Variants in CC2D2B observed in about 807,000 individuals in gnomAD.
CC2D2B encodes the protein coiled-coil and C2 domain containing 2B, also known as protein CC2D2B.
CC2D2B carries 128 observed loss-of-function variants against 161.2 expected under a neutral mutation model. The ratio of observed to expected loss-of-function variants is 0.79; its 90% CI spans 0.69 to 0.92. The LOEUF (loss-of-function observed/expected upper bound fraction) is 0.92. Among genes scored for constraint, CC2D2B ranks in the 40% least tolerant of loss-of-function variants. CC2D2B has a pLI of 0.00. For synonymous variants in CC2D2B, 391 were observed against 449.8 expected, an observed-to-expected ratio of 0.87 and a Z score of 1.65; for missense variants, 1,173 against 1,375.1, an observed-to-expected ratio of 0.85 and a Z score of 2.32.
At chr10:95,918,559 C>T (rs2098520899) in intron 2 of CC2D2B, among the ~76,000 whole-genome samples, 3 of 152,168 alleles carry the variant, frequency 2.0e-5, no homozygotes, top group Middle Eastern at 3.4e-3. Context: ...TATCTTTGAC[C>T]TTTGGGAGTT....
At chr10:95,913,852 T>A (rs1331707408) in intron 2 of CC2D2B, among the ~76,000 whole-genome samples, 1 of 152,208 alleles carries the variant, frequency 6.6e-6, no homozygotes, top group Non-Finnish European at 1.5e-5. Context: ...GCTCCTTGTA[T>A]ATTTTGGTTA....
At chr10:95,996,300 T>C in intron 24 of CC2D2B, 48 bp downstream of exon 24, 1 of 829,868 alleles carries the variant, frequency 1.2e-6, no homozygotes, top group Non-Finnish European at 1.9e-6. Flanking sequence ...AGAGCAATAA[T>C]AAAATTATTT....
intron 30 of CC2D2B, among the ~76,000 whole-genome samples, chr10:96,016,675 C>G (rs2141890798): frequency 6.6e-6 from 1 of 152,190 alleles, no homozygotes; most frequent in Admixed American, 6.6e-5. Context: ...GTAGTTGTGG[C>G]AGCTGTTATC....
chr10:95,950,244 T>C, intron 10 of CC2D2B, 139 bp downstream of exon 10: 1 of 395,272 alleles, frequency 2.5e-6, no homozygotes, highest in Non-Finnish European at 4.5e-6. Flanking sequence ...GAAAAGAAAC[T>C]GTAGGAATTG....
intron 34 of CC2D2B, among the ~76,000 whole-genome samples, chr10:96,029,356 A>G (rs1356837671): frequency 6.8e-6 from 1 of 147,660 alleles, no homozygotes. Flanking sequence ...ATTTTTAAAA[A>G]TGCATTTACT....
chr10:96,025,688 G>A (rs1477959084), intron 33 of CC2D2B, among the ~76,000 whole-genome samples: 4 of 152,168 alleles, frequency 2.6e-5, no homozygotes, highest in African/African-American at 9.7e-5. Context: ...GCACCTACAC[G>A]TAAGTGCCTG....
intron 11 of CC2D2B, among the ~76,000 whole-genome samples, chr10:95,956,728 C>T (rs1197239410): frequency 1.3e-5 from 2 of 152,088 alleles, no homozygotes; most frequent in African/African-American, 2.4e-5. Flanking sequence ...TGTTCAAGTC[C>T]CTTGTATAAA....
chr10:95,951,168 T>A (rs1425194147), intron 10 of CC2D2B, among the ~76,000 whole-genome samples: 2 of 135,272 alleles, frequency 1.5e-5, no homozygotes, highest in Non-Finnish European at 3.1e-5. Context: ...ACTTAATCCA[T>A]TTTTTTTTTT....
chr10:95,956,078 G>A (rs762703527), intron 11 of CC2D2B, among the ~76,000 whole-genome samples: 2 of 152,166 alleles, frequency 1.3e-5, no homozygotes, highest in African/African-American at 2.4e-5. Context: ...TCTGACATGA[G>A]TTTATACAAC....
chr10:96,012,604 C>A lies in CC2D2B; in HGVS notation c.3301C>A (p.Arg1101=). 2 of 1,612,578 alleles carry A rather than the reference C, an allele frequency of 1.2e-6. No individual in the cohort carries two copies. Among genetic ancestry groups the A allele is most frequent in the Non-Finnish European group, 1.7e-6 (2 of 1,178,766 alleles). Residue 1101 remains arginine, a synonymous_variant, in exon 28 of 35, where the codon CGA becomes AGA. Transcript: ENST00000646931. Reference sequence around the variant, plus strand: ...GAATTGTAAGGCAATGTTTCCCAACCGAAGAATCGTAACTACTGTTTTTAA... The same window carrying A: ...GAATTGTAAGGCAATGTTTCCCAACAGAAGAATCGTAACTACTGTTTTTAA... ...KKNCKAMFPN[R]RIVTTVFNDE... is the part of the protein sequence containing the mutation.
chr10:96,009,272 T>C (rs1411597972), intron 25 of CC2D2B, among the ~76,000 whole-genome samples: 1 of 152,162 alleles, frequency 6.6e-6, no homozygotes, highest in African/African-American at 2.4e-5. Context: ...TTACATTTTG[T>C]ATAATTATTA....
intron 24 of CC2D2B, among the ~76,000 whole-genome samples, chr10:96,003,045 GAAAT>G (rs2078578995): frequency 7.3e-6 from 1 of 137,272 alleles, no homozygotes; most frequent in Non-Finnish European, 1.6e-5. Context: ...TATATATATA[GAAAT>G]AAATAAACTA....
chr10:96,029,733 C>T (rs2079985251), intron 34 of CC2D2B, among the ~76,000 whole-genome samples: 1 of 151,990 alleles, frequency 6.6e-6, no homozygotes, highest in African/African-American at 2.4e-5. Context: ...TACAACCTCA[C>T]ACAATAGTTA....
chr10:95,947,178 T>C (rs575713263), intron 9 of CC2D2B, among the ~76,000 whole-genome samples: 34 of 141,740 alleles, frequency 2.4e-4, no homozygotes, highest in African/African-American at 8.3e-4. Flanking sequence ...AATGGTGTGA[T>C]CTCAGCTCAC....
intron 9 of CC2D2B, among the ~76,000 whole-genome samples, chr10:95,941,036 T>TATATACAGTCAAAAAATA (rs1167090888): frequency 4.6e-5 from 7 of 152,202 alleles, no homozygotes; most frequent in Non-Finnish European, 4.4e-5. Flanking sequence ...AGAAATAAAC[T>TATATACAGTCAAAAAATA]TATGTATATA....
chr10:95,947,113 A>ATTTTTTTTTTTTTT (rs753866384), intron 9 of CC2D2B, among the ~76,000 whole-genome samples: 1 of 48,376 alleles, frequency 2.1e-5, no homozygotes, highest in African/African-American at 9.4e-5. Flanking sequence ...ATATATATAT[A>ATTTTTTTTTTTTTT]TTTTTTTTTT....
Position 96,024,835 on chromosome 10 carries a change from T to C in CC2D2B, c.3889-18T>C, listed in dbSNP as rs199892638. The C allele has an allele frequency of 7.2e-4, 1,021 of 1,413,926 alleles. No homozygotes were observed. Among genetic ancestry groups the C allele is most frequent in the Middle Eastern group, 2.5e-3 (14 of 5,684 alleles). 87.6% of individuals were successfully genotyped at this position (1,413,926 alleles called of 1,614,324 possible). A position where few individuals can be genotyped will look rare whatever the true frequency, so the allele number is the denominator to read the frequency against. ...CATGGTCTCTAGAATCTATTCTAAC[T>C]TTGGTTGTCTATTTCAGCCTGAAGA... On this transcript the variant is annotated intron_variant, in intron 32 of 34. Coordinates refer to ENST00000646931, the MANE Select transcript of CC2D2B (RefSeq NM_001349008.3).
intron 6 of CC2D2B, among the ~76,000 whole-genome samples, chr10:95,932,421 T>C (rs2075639789): frequency 6.6e-6 from 1 of 152,220 alleles, no homozygotes; most frequent in African/African-American, 2.4e-5. Flanking sequence ...ATACTGTCAT[T>C]ACGATGCTAG....
chr10:95,928,232 TA>T (rs34003266), intron 6 of CC2D2B, among the ~76,000 whole-genome samples: 23,126 of 149,564 alleles, frequency 0.15, 1,872 homozygotes, highest in Middle Eastern at 0.25. Flanking sequence ...TTTGCACAAT[TA>T]AAAAAAAAAA....
Sources: allele counts gnomAD v4.1 joint callset (sites outside exome capture counted in the v4.1 genomes callset), GRCh38; gene constraint gnomAD v4.1.1; transcripts MANE v1.5; gene names NCBI Gene and HGNC (gene_info 2026-07-23, HGNC 2026-07-21).